The following RAPGEF4 variants were observed in gnomAD, a reference collection of about 807,000 sequenced individuals.
RAPGEF4 encodes the protein RAP guanine-nucleotide-exchange factor (GEF) 4.
Under a neutral mutation model 147.9 loss-of-function variants are expected in RAPGEF4, and 66 were observed. That is an observed-to-expected ratio of 0.45 (90% CI 0.37 to 0.55). The LOEUF (loss-of-function observed/expected upper bound fraction) is 0.55, where lower values mean the gene tolerates loss of function less well. Ranked by LOEUF, RAPGEF4 falls within the 20% of genes least tolerant of loss-of-function variation. RAPGEF4 has a pLI of 0.00. For missense variants in RAPGEF4, 1,071 were observed against 1,257.3 expected (o/e 0.85, Z 2.24); for synonymous variants, 419 against 442.7 (o/e 0.95, Z 0.67).
intron 1 of RAPGEF4, among the ~76,000 whole-genome samples, chr2:172,758,718 T>C (rs760947913): frequency 6.6e-6 from 1 of 151,924 alleles, no homozygotes; most frequent in Non-Finnish European, 1.5e-5. Flanking sequence ...GGGTCATCTG[T>C]TATGACGCGG....
intron 4 of RAPGEF4, among the ~76,000 whole-genome samples, chr2:172,816,134 T>A (rs1295945387): frequency 6.6e-6 from 1 of 152,196 alleles, no homozygotes; most frequent in Non-Finnish European, 1.5e-5. Flanking sequence ...CCTAATATTA[T>A]CTAATACCCA....
intron 4 of RAPGEF4, among the ~76,000 whole-genome samples, chr2:172,868,771 C>T (rs1694902169): frequency 6.6e-6 from 1 of 152,176 alleles, no homozygotes; most frequent in South Asian, 2.1e-4. Context: ...ATACCTCAGA[C>T]TGGGTAATTT....
Position 172,815,051 on chromosome 2 carries a change from T to C in RAPGEF4, c.444+626T>C, listed in dbSNP as rs536990845. Among the ~76,000 whole-genome samples the C allele has an allele frequency of 6.6e-5, 10 of 152,314 alleles. No homozygotes were observed. In the South Asian group the frequency reaches 1.9e-3, roughly 28 times the overall value. Reference sequence around the variant, plus strand: ...AGTATGAGGAATAAATCATCTTACATGCAGTCATGGCAAATAGAGCACTTA... The same window carrying C: ...AGTATGAGGAATAAATCATCTTACACGCAGTCATGGCAAATAGAGCACTTA... On this transcript the variant is annotated intron_variant, in intron 4 of 30. Coordinates refer to ENST00000397081, the MANE Select transcript of RAPGEF4 (RefSeq NM_007023.4).
chr2:172,941,470 A>G (rs986815510), intron 6 of RAPGEF4, among the ~76,000 whole-genome samples: 30 of 152,194 alleles, frequency 2.0e-4, no homozygotes, highest in African/African-American at 6.3e-4. Flanking sequence ...AAAAATATTC[A>G]CTTCACGAAG....
chr2:173,030,487 T>C (rs1434904613), intron 26 of RAPGEF4, among the ~76,000 whole-genome samples: 2 of 152,214 alleles, frequency 1.3e-5, no homozygotes, highest in Non-Finnish European at 2.9e-5. Flanking sequence ...TGTCTACTTC[T>C]TGATATATGC....
chr2:172,850,889 C>A (rs974037056), intron 4 of RAPGEF4, among the ~76,000 whole-genome samples: 4 of 152,056 alleles, frequency 2.6e-5, no homozygotes, highest in Admixed American at 2.6e-4. Flanking sequence ...TTTCAAAGAA[C>A]CAATTTCTGG....
At chr2:172,886,732 C>A (rs1697268534) in intron 4 of RAPGEF4, among the ~76,000 whole-genome samples, 1 of 149,190 alleles carries the variant, frequency 6.7e-6, no homozygotes, top group Non-Finnish European at 1.5e-5. Context: ...TTTGGCAATG[C>A]TCTTTCTAAA....
chr2:172,886,775 C>G (rs1470025352), intron 4 of RAPGEF4, among the ~76,000 whole-genome samples: 1 of 151,522 alleles, frequency 6.6e-6, no homozygotes, highest in African/African-American at 2.4e-5. Flanking sequence ...TTTTTCTTCC[C>G]CATTTGTTTC....
At chr2:172,820,674 A>T (rs1688977134) in intron 4 of RAPGEF4, among the ~76,000 whole-genome samples, 1 of 152,266 alleles carries the variant, frequency 6.6e-6, no homozygotes, top group Admixed American at 6.5e-5. Flanking sequence ...TGAGATACAA[A>T]ACTGAGTGGT....
intron 6 of RAPGEF4, among the ~76,000 whole-genome samples, chr2:172,947,747 C>T (rs908290413): frequency 6.6e-6 from 1 of 151,970 alleles, no homozygotes; most frequent in Non-Finnish European, 1.5e-5. Flanking sequence ...TTGGTAAGTA[C>T]TTTCTTAAAT....
chr2:172,904,965 G>T lies in RAPGEF4; in HGVS notation c.445-12837G>T, dbSNP rs140400366. 2.0e-3 allele frequency among the ~76,000 whole-genome samples: 311 copies of T among 152,068 alleles called. 3 individuals carry two copies. Among genetic ancestry groups the T allele is most frequent in the African/African-American group, 7.0e-3 (291 of 41,474 alleles). ...TAAAATTCTTCCCGTGACCTGCAAG[G>T]CCTTCCCTGTCCTGGCCCCTGTGTG... is the stretch of plus-strand genomic sequence containing the variant. On this transcript the variant is annotated intron_variant, in intron 4 of 30. Coordinates refer to ENST00000397081, the MANE Select transcript of RAPGEF4 (RefSeq NM_007023.4).
intron 4 of RAPGEF4, among the ~76,000 whole-genome samples, chr2:172,849,138 C>A (rs1186885784): frequency 6.6e-6 from 1 of 150,882 alleles, no homozygotes; most frequent in Non-Finnish European, 1.5e-5. Context: ...GTTTGCCAGA[C>A]AACTTGATTC....
intron 3 of RAPGEF4, among the ~76,000 whole-genome samples, chr2:172,813,770 G>A (rs956698712): frequency 2.6e-5 from 4 of 151,976 alleles, no homozygotes; most frequent in African/African-American, 9.7e-5. Context: ...TAAGATTCCT[G>A]CTGGCAGCTT....
intron 1 of RAPGEF4, among the ~76,000 whole-genome samples, chr2:172,753,151 C>A (rs16860846): frequency 1.3e-5 from 2 of 151,962 alleles, no homozygotes; most frequent in African/African-American, 4.8e-5. Context: ...AAAAAATGGA[C>A]ATTACTTAGC....
At chr2:172,988,308 G>C (rs767929758) in intron 13 of RAPGEF4, 36 bp downstream of exon 13, 4 of 1,582,372 alleles carry the variant, frequency 2.5e-6, no homozygotes, top group Non-Finnish European at 3.4e-6. Flanking sequence ...ACTTTATTAC[G>C]CTCCACTTAC....
intron 5 of RAPGEF4, among the ~76,000 whole-genome samples, chr2:172,921,020 T>C (rs1684699712): frequency 6.6e-6 from 1 of 152,158 alleles, no homozygotes; most frequent in Non-Finnish European, 1.5e-5. Flanking sequence ...AATTAGGGAA[T>C]GTTTCCAAAG....
At chr2:172,857,315 G>A (rs1693539175) in intron 4 of RAPGEF4, among the ~76,000 whole-genome samples, 1 of 152,132 alleles carries the variant, frequency 6.6e-6, no homozygotes, top group African/African-American at 2.4e-5. Context: ...GCTTTTAATG[G>A]TGTGAATTTT....
intron 2 of RAPGEF4, 56 bp downstream of exon 2, chr2:172,795,223 G>T (rs1686248985): frequency 6.6e-7 from 1 of 1,523,538 alleles, no homozygotes; most frequent in Non-Finnish European, 9.0e-7. Context: ...CTGATTTGTG[G>T]TTACTTTATG....
Position 172,924,656 on chromosome 2 carries a change from G to A in RAPGEF4, c.537+2356G>A, listed in dbSNP as rs868213516. ...AGACATTCGTGAGCAAAGTTGAAGCGCTAGAAAGATAAAAAGAAGCTTAAG... is the reference window on the plus strand; with the variant it reads ...AGACATTCGTGAGCAAAGTTGAAGCACTAGAAAGATAAAAAGAAGCTTAAG... On this transcript the variant is annotated intron_variant, in intron 6 of 30. Transcript: ENST00000397081. Among the ~76,000 whole-genome samples, 15 of 152,262 alleles carry A rather than the reference G, an allele frequency of 9.9e-5. 2 individuals carry two copies. The South Asian group carries it at 1.7e-3, about 17-fold the overall frequency.
Sources: gnomAD v4.1 joint callset for allele counts (sites outside exome capture counted in the v4.1 genomes callset) on GRCh38, gnomAD v4.1.1 for gene constraint, MANE v1.5 for transcripts, NCBI Gene and HGNC (gene_info 2026-07-23, HGNC 2026-07-21) for gene names.